SLC4A4: variants seen among roughly 807,000 people sequenced by gnomAD.
The protein encoded by SLC4A4 is electrogenic sodium bicarbonate cotransporter 1.
A neutral mutation model predicts 111.5 loss-of-function variants in SLC4A4; 27 were observed. That is an observed-to-expected ratio of 0.24 (90% CI 0.18 to 0.33). SLC4A4 has a LOEUF of 0.33. Among genes scored for constraint, SLC4A4 ranks in the 10% least tolerant of loss-of-function variants. The pLI, the probability that SLC4A4 is intolerant of heterozygous loss-of-function variation, is 1.00. For synonymous variants in SLC4A4, 443 were observed against 463.4 expected, an observed-to-expected ratio of 0.96 and a Z score of 0.57; for missense variants, 909 against 1,315.5, an observed-to-expected ratio of 0.69 and a Z score of 4.78.
At chr4:71,536,440 GCATATATA>G (rs200050038) in intron 18 of SLC4A4, among the ~76,000 whole-genome samples, 1,134 of 72,700 alleles carry the variant, frequency 0.016, 93 homozygotes, top group Non-Finnish European at 0.023. Flanking sequence ...TATCATTTAA[GCATATATA>G]CATATATACA....
intron 24 of SLC4A4, among the ~76,000 whole-genome samples, chr4:71,565,478 C>T (rs1737385743): frequency 1.3e-5 from 2 of 151,822 alleles, no homozygotes. Context: ...GTGTTGTCTT[C>T]ACCTGGAACT....
chr4:71,359,099 A>T (rs920395828), intron 6 of SLC4A4, among the ~76,000 whole-genome samples: 1 of 152,234 alleles, frequency 6.6e-6, no homozygotes, highest in African/African-American at 2.4e-5. Context: ...TTAGGAACAG[A>T]TGGATCTTGG....
At chr4:71,078,422 A>T (rs760526875) in intron 1 of SLC4A4, among the ~76,000 whole-genome samples, 18 of 151,978 alleles carry the variant, frequency 1.2e-4, no homozygotes, top group Non-Finnish European at 2.4e-4. Context: ...GTGTAGGGGG[A>T]AGTGGTAGAG....
chr4:71,470,793 C>A (rs1348761716), intron 13 of SLC4A4, among the ~76,000 whole-genome samples: 1 of 151,964 alleles, frequency 6.6e-6, no homozygotes, highest in Non-Finnish European at 1.5e-5. Context: ...TGCTGTAGAA[C>A]CAGGAAGAGC....
At chr4:71,482,214 G>A (rs1476500249) in intron 14 of SLC4A4, among the ~76,000 whole-genome samples, 1 of 151,520 alleles carries the variant, frequency 6.6e-6, no homozygotes, top group African/African-American at 2.4e-5. Context: ...AACATACCCT[G>A]CCAATATGCA....
chr4:71,333,709 T>G (rs1245086658), intron 3 of SLC4A4, among the ~76,000 whole-genome samples: 2 of 152,186 alleles, frequency 1.3e-5, no homozygotes, highest in African/African-American at 4.8e-5. Context: ...TACTCTATTC[T>G]GCTGCTGCTG....
intron 19 of SLC4A4, 70 bp downstream of exon 19, chr4:71,546,598 A>T: frequency 7.6e-7 from 1 of 1,318,514 alleles, no homozygotes; most frequent in Non-Finnish European, 1.1e-6. Context: ...AATCATAAGG[A>T]TATGGGCAGA....
At chr4:71,288,902 G>A (rs1478441794) in intron 3 of SLC4A4, among the ~76,000 whole-genome samples, 4 of 151,304 alleles carry the variant, frequency 2.6e-5, no homozygotes, top group South Asian at 4.2e-4. Flanking sequence ...TCTTTTTTTT[G>A]TATGATTGGA....
chr4:71,179,036 A>G (rs1745194150), intron 2 of SLC4A4, among the ~76,000 whole-genome samples: 1 of 152,238 alleles, frequency 6.6e-6, no homozygotes, highest in South Asian at 2.1e-4. Flanking sequence ...CCTGGGATGC[A>G]AGGCTGGTTC....
At chr4:71,421,345 A>T (rs1203526095) in intron 7 of SLC4A4, among the ~76,000 whole-genome samples, 3 of 152,186 alleles carry the variant, frequency 2.0e-5, no homozygotes, top group Non-Finnish European at 4.4e-5. Flanking sequence ...GCAAGTCCTG[A>T]GTGACCTACA....
intron 1 of SLC4A4, among the ~76,000 whole-genome samples, chr4:71,206,819 T>A (rs1030098499): frequency 3.3e-5 from 5 of 151,534 alleles, no homozygotes; most frequent in African/African-American, 1.2e-4. Context: ...TTATTATTAT[T>A]ATTATTTTAG....
rs546391566 is a variant in SLC4A4, at chr4:71,119,429, T to C, written c.-2+26637T>C. Among the ~76,000 whole-genome samples the C allele has an allele frequency of 4.6e-5, 7 of 152,254 alleles. No individual in the cohort carries two copies. The East Asian group carries it at 1.2e-3, about 25-fold the overall frequency. On this transcript the variant is annotated intron_variant, in intron 2 of 26. Transcript: ENST00000649996. Reference sequence around the variant, plus strand: ...TGGGGTTTTTCTCTGTTGTTCAGGCTGGAGTGCAGTGGCACAATCATGGCT... The same window carrying C: ...TGGGGTTTTTCTCTGTTGTTCAGGCCGGAGTGCAGTGGCACAATCATGGCT...
At chr4:71,326,155 C>T (rs1228728994) in intron 3 of SLC4A4, among the ~76,000 whole-genome samples, 1 of 151,826 alleles carries the variant, frequency 6.6e-6, no homozygotes, top group African/African-American at 2.4e-5. Context: ...TAAACATTAG[C>T]ACATAAGCTT....
intron 1 of SLC4A4, among the ~76,000 whole-genome samples, chr4:71,089,381 C>T (rs568834416): frequency 6.6e-6 from 1 of 152,026 alleles, no homozygotes; most frequent in Non-Finnish European, 1.5e-5. Flanking sequence ...TTGTCTGAAG[C>T]CTTCTTCTCT....
chr4:71,418,983 C>A (rs376936867), intron 7 of SLC4A4, among the ~76,000 whole-genome samples: 3 of 152,116 alleles, frequency 2.0e-5, no homozygotes, highest in Non-Finnish European at 4.4e-5. Context: ...CCTGGGTATC[C>A]GCAGCGGTGT....
chr4:71,175,486 T>G (rs564508764), intron 2 of SLC4A4, among the ~76,000 whole-genome samples: 5 of 152,228 alleles, frequency 3.3e-5, no homozygotes, highest in African/African-American at 7.2e-5. Context: ...ACCCTAATAC[T>G]GCACTTTTCC....
rs776225388 is a variant in SLC4A4, at chr4:71,357,056, T to C, written c.599T>C (p.Leu200Pro). The C allele has an allele frequency of 6.2e-7, 1 of 1,614,126 alleles. No homozygotes were observed. Among genetic ancestry groups the C allele is most frequent in the Non-Finnish European group, 8.5e-7 (1 of 1,179,986 alleles). ...QIETGLLKPE[L>P]KDKVTYTLLR... ...GAGACAGGCCTATTGAAACCTGAAC[T>C]TAAGGATAAGGTGACCTATACTTTG... is the stretch of plus-strand genomic sequence containing the variant. The change falls in exon 6 of 26, where the codon CTT becomes CCT. Residue 200 changes from leucine to proline, a missense_variant. Leu to Pro is a moderately conservative substitution (Grantham distance 98, BLOSUM62 -3). Around this residue, in one of 7 missense-constraint regions of SLC4A4, gnomAD observed 312 missense variants for 402.0 expected, o/e 0.78. Coordinates refer to ENST00000264485, the MANE Select transcript of SLC4A4 (RefSeq NM_001098484.3).
At chr4:71,254,204 G>A (rs1030902876) in intron 2 of SLC4A4, among the ~76,000 whole-genome samples, 2 of 152,098 alleles carry the variant, frequency 1.3e-5, no homozygotes, top group African/African-American at 4.8e-5. Flanking sequence ...AGACAAAAAT[G>A]TTCACATTAT....
At chr4:71,265,966 A>G (rs1722224815) in intron 3 of SLC4A4, among the ~76,000 whole-genome samples, 1 of 152,240 alleles carries the variant, frequency 6.6e-6, no homozygotes, top group South Asian at 2.1e-4. Context: ...ATTATTTAAT[A>G]TAACTTTCAA....
Sources: allele counts gnomAD v4.1 joint callset (sites outside exome capture counted in the v4.1 genomes callset), GRCh38; gene constraint gnomAD v4.1.1; regional missense constraint gnomAD v4.1.1; transcripts MANE v1.5; gene names NCBI Gene and HGNC (gene_info 2026-07-23, HGNC 2026-07-21).